PCDHA1: variants seen among roughly 807,000 people sequenced by gnomAD.
PCDHA1 encodes protocadherin alpha-1.
In PCDHA1, 42 loss-of-function variants were observed where a neutral mutation model predicts 61.3. The ratio of observed to expected loss-of-function variants is 0.69; its 90% confidence interval spans 0.54 to 0.89. The LOEUF is 0.89. PCDHA1 is among the 40% of genes least tolerant of loss of function. PCDHA1 has a pLI of 0.00. For synonymous variants in PCDHA1, 610 were observed against 553.8 expected (o/e 1.10, Z -1.43); for missense variants, 1,256 against 1,235.3 (o/e 1.02, Z -0.25).
chr5:140,995,180 A>C (rs1014057978), intron 3 of PCDHA1, among the ~76,000 whole-genome samples: 4 of 152,190 alleles, frequency 2.6e-5, no homozygotes, highest in African/African-American at 9.7e-5. Context: ...AGGTGCACCT[A>C]TGATAAAGTT....
intron 1 of PCDHA1, among the ~76,000 whole-genome samples, chr5:140,906,981 G>A (rs1554192831): frequency 6.6e-6 from 1 of 152,122 alleles, no homozygotes; most frequent in Non-Finnish European, 1.5e-5. Flanking sequence ...GTCTTCTGGT[G>A]GCAGCATTCC....
intron 3 of PCDHA1, among the ~76,000 whole-genome samples, chr5:141,007,754 T>C (rs991882656): frequency 6.6e-6 from 1 of 152,172 alleles, no homozygotes; most frequent in African/African-American, 2.4e-5. Flanking sequence ...AACTTTGGAC[T>C]CTTATTGGCC....
chr5:140,891,876 G>C (rs781983742), intron 1 of PCDHA1, among the ~76,000 whole-genome samples: 9 of 152,186 alleles, frequency 5.9e-5, no homozygotes, highest in Non-Finnish European at 1.2e-4. Context: ...TTTTGGCTCT[G>C]TCATGTGACG....
chr5:140,952,798 G>T (rs1554220633), intron 1 of PCDHA1, among the ~76,000 whole-genome samples: 1 of 152,138 alleles, frequency 6.6e-6, no homozygotes, highest in African/African-American at 2.4e-5. Flanking sequence ...TAACTGGCTC[G>T]CAGTTCTGCA....
intron 1 of PCDHA1, among the ~76,000 whole-genome samples, chr5:140,833,035 T>C (rs1192645027): frequency 2.6e-5 from 4 of 152,298 alleles, no homozygotes; most frequent in South Asian, 2.1e-4. Context: ...GAGAGTGTGA[T>C]ATAAAGCAAG....
chr5:141,012,182 A>T lies in PCDHA1; in HGVS notation c.*2245A>T, dbSNP rs1334407628. On this transcript the variant is annotated 3_prime_UTR_variant, in exon 4 of 4. Coordinates refer to ENST00000504120, the MANE Select transcript of PCDHA1 (RefSeq NM_018900.4). ...CTAATTTATTAATGATGATAATTATAATGTATCTGTACAGCACTTTTTACA... is the reference window on the plus strand; with the variant it reads ...CTAATTTATTAATGATGATAATTATTATGTATCTGTACAGCACTTTTTACA... 6.5e-6 allele frequency: 1 copy of T among 153,776 alleles called. No homozygotes were observed. The highest frequency in any genetic ancestry group is 1.5e-5 in the Non-Finnish European group (1 of 68,050). 9.5% of individuals were successfully genotyped at this position (153,776 alleles called of 1,614,324 possible).
At chr5:140,866,644 T>A (rs531566613) in intron 1 of PCDHA1, 14 of 152,184 alleles carry the variant, frequency 9.2e-5, no homozygotes, top group Non-Finnish European at 1.6e-4. Context: ...GTGTCAAAAT[T>A]TATTTATGTG....
At position 140,787,544 on chromosome 5, in the gene PCDHA1, G is replaced by C. The variant is rs369564292; in HGVS notation, c.1254G>C (p.Leu418=). The change falls in exon 1 of 4, where the codon CTG becomes CTC. Residue 418 remains leucine, a synonymous_variant. Transcript: ENST00000504120. ...VLDSALDRES[L]SVYELVVTAR... is the part of the protein sequence containing the mutation. The stretch of plus-strand genomic sequence containing the variant: ...ACAGCGCCCTGGATCGCGAGAGCCT[G>C]TCGGTCTATGAGCTGGTGGTGACCG... The C allele has an allele frequency of 1.2e-6, 2 of 1,614,228 alleles. No homozygotes were observed.
At chr5:140,939,060 A>G (rs1435006375) in intron 1 of PCDHA1, among the ~76,000 whole-genome samples, 1 of 152,208 alleles carries the variant, frequency 6.6e-6, no homozygotes, top group Non-Finnish European at 1.5e-5. Flanking sequence ...TTGGGCTGCT[A>G]TATCAAAATA....
At chr5:140,976,888 A>C (rs1050816491) in intron 1 of PCDHA1, among the ~76,000 whole-genome samples, 1 of 152,218 alleles carries the variant, frequency 6.6e-6, no homozygotes, top group Non-Finnish European at 1.5e-5. Context: ...ATTAGGATAC[A>C]TGCAACAGTA....
intron 1 of PCDHA1, among the ~76,000 whole-genome samples, chr5:140,971,045 T>G (rs2096453995): frequency 6.6e-6 from 1 of 152,090 alleles, no homozygotes; most frequent in Non-Finnish European, 1.5e-5. Context: ...CGTAAAAGGG[T>G]TTAGCTTTAA....
intron 1 of PCDHA1, chr5:140,966,733 C>T: frequency 7.1e-7 from 1 of 1,416,484 alleles, no homozygotes; most frequent in Non-Finnish European, 9.2e-7. Context: ...CCGCCTCCGG[C>T]CCTGCCCGGC....
At chr5:140,792,637 T>A (rs189318455) in intron 1 of PCDHA1, among the ~76,000 whole-genome samples, 60 of 152,340 alleles carry the variant, frequency 3.9e-4, no homozygotes, top group Non-Finnish European at 5.3e-4. Flanking sequence ...CCCACATATG[T>A]CATTCTGAAT....
chr5:140,969,123 C>G, intron 1 of PCDHA1: 1 of 1,614,172 alleles, frequency 6.2e-7, no homozygotes, highest in Non-Finnish European at 8.5e-7. Flanking sequence ...GGGAATGGCT[C>G]CCTCACCAAG....
At chr5:140,987,292 T>G (rs2097246000) in intron 3 of PCDHA1, among the ~76,000 whole-genome samples, 1 of 152,134 alleles carries the variant, frequency 6.6e-6, no homozygotes, top group African/African-American at 2.4e-5. Context: ...TTAACAAGCC[T>G]TCTATGTGAT....
intron 3 of PCDHA1, among the ~76,000 whole-genome samples, chr5:140,992,594 G>A (rs782416770): frequency 2.6e-5 from 4 of 152,148 alleles, no homozygotes; most frequent in Non-Finnish European, 2.9e-5. Flanking sequence ...TGCATCTAGC[G>A]TCTGTGTCTA....
chr5:140,930,997 A>G (rs1355351475), intron 1 of PCDHA1, among the ~76,000 whole-genome samples: 3 of 152,198 alleles, frequency 2.0e-5, no homozygotes, highest in Admixed American at 1.3e-4. Context: ...GACCTACACT[A>G]ATAACATAAC....
intron 1 of PCDHA1, among the ~76,000 whole-genome samples, chr5:140,923,065 TCTC>T: frequency 6.6e-6 from 1 of 152,304 alleles, no homozygotes; most frequent in Non-Finnish European, 1.5e-5. Context: ...AAGAGCTAGG[TCTC>T]CTCATGTCAG....
At chr5:140,969,347 G>C (rs1554231707) in intron 1 of PCDHA1, 1 of 1,613,472 alleles carries the variant, frequency 6.2e-7, no homozygotes, top group South Asian at 1.1e-5. Context: ...ACAGTGGTCA[G>C]GGGGTCTTCT....
Sources: gnomAD v4.1 joint callset for allele counts (sites outside exome capture counted in the v4.1 genomes callset) on GRCh38, gnomAD v4.1.1 for gene constraint, MANE v1.5 for transcripts, NCBI Gene and HGNC (gene_info 2026-07-23, HGNC 2026-07-21) for gene names.